Variants in AKT3 observed in about 807,000 individuals in gnomAD.
AKT3 encodes the protein RAC-gamma serine/threonine-protein kinase.
AKT3 carries 15 observed loss-of-function variants against 65.3 expected under a neutral mutation model. The ratio of observed to expected loss-of-function variants is 0.23; its 90% CI spans 0.15 to 0.35. AKT3 has a LOEUF of 0.35. Among genes scored for constraint, AKT3 ranks in the 10% least tolerant of loss-of-function variants. AKT3 has a pLI of 1.00. For missense variants in AKT3, 243 were observed against 576.5 expected (o/e 0.42, Z 5.92); for synonymous variants, 206 against 183.8 (o/e 1.12, Z -0.98).
rs987878432 is a variant in AKT3 at position 243,500,093 on chromosome 1, T to TTGAG, written c.*5152_*5155dup. The TTGAG allele has an allele frequency of 2.4e-6, 1 of 408,530 alleles. No individual in the cohort carries two copies. 25.3% of individuals were successfully genotyped at this position (408,530 alleles called of 1,614,324 possible). On this transcript the variant is annotated 3_prime_UTR_variant, in exon 14 of 14. Transcript: ENST00000673466. ...TTCAATAAATGAACTTTTTAAAGAC[T>TTGAG]TGAGTTGTAATGTTTCCTTTTTATC...
chr1:243,542,067 T>C (rs1381590784), intron 12 of AKT3, among the ~76,000 whole-genome samples: 1 of 152,204 alleles, frequency 6.6e-6, no homozygotes, highest in Non-Finnish European at 1.5e-5. Flanking sequence ...TAAATTGCAT[T>C]CATGGATCTG....
intron 2 of AKT3, among the ~76,000 whole-genome samples, chr1:243,763,150 G>T (rs747383980): frequency 6.6e-6 from 1 of 151,778 alleles, no homozygotes; most frequent in Non-Finnish European, 1.5e-5. Flanking sequence ...ACTGAAATTC[G>T]CATACATTTT....
chr1:243,780,209 C>T (rs894788446), intron 2 of AKT3, among the ~76,000 whole-genome samples: 6 of 151,950 alleles, frequency 3.9e-5, no homozygotes, highest in Admixed American at 2.0e-4. Flanking sequence ...AGTTGGTAAA[C>T]ACTACTGTAA....
chr1:243,660,901 T>C (rs1313792899), intron 4 of AKT3, among the ~76,000 whole-genome samples: 1 of 152,206 alleles, frequency 6.6e-6, no homozygotes, highest in African/African-American at 2.4e-5. Context: ...ATCACAAGCA[T>C]TCTTATACAC....
At chr1:243,679,316 T>C (rs115036595) in intron 3 of AKT3, among the ~76,000 whole-genome samples, 8 of 152,292 alleles carry the variant, frequency 5.3e-5, no homozygotes, top group Non-Finnish European at 8.8e-5. Context: ...AAACTTTGCA[T>C]TGCTCAAGGG....
At chr1:243,827,299 T>C (rs1227473149) in intron 2 of AKT3, among the ~76,000 whole-genome samples, 1 of 152,126 alleles carries the variant, frequency 6.6e-6, no homozygotes, top group East Asian at 1.9e-4. Context: ...AAGACCTCAT[T>C]CTCCATTCCA....
At chr1:243,808,673 C>T (rs1322247417) in intron 2 of AKT3, among the ~76,000 whole-genome samples, 2 of 152,050 alleles carry the variant, frequency 1.3e-5, no homozygotes, top group Non-Finnish European at 2.9e-5. Flanking sequence ...TCAGGAAATA[C>T]AGAAAACGCC....
intron 2 of AKT3, among the ~76,000 whole-genome samples, chr1:243,745,956 T>C (rs1013870538): frequency 6.6e-6 from 1 of 152,200 alleles, no homozygotes. Context: ...CAAAACTCAA[T>C]GCATTCAGAA....
intron 12 of AKT3, among the ~76,000 whole-genome samples, chr1:243,532,061 T>C (rs1352814575): frequency 1.3e-5 from 2 of 152,210 alleles, no homozygotes; most frequent in Non-Finnish European, 2.9e-5. Flanking sequence ...CACCTATTAG[T>C]AGGGGTAGTT....
intron 3 of AKT3, among the ~76,000 whole-genome samples, chr1:243,674,585 C>A (rs1196977210): frequency 6.6e-6 from 1 of 152,132 alleles, no homozygotes; most frequent in Non-Finnish European, 1.5e-5. Flanking sequence ...TTTCACAGGA[C>A]AAATGAAGTA....
At chr1:243,645,778 A>G in intron 5 of AKT3, 115 bp downstream of exon 5, 1 of 1,043,702 alleles carries the variant, frequency 9.6e-7, no homozygotes, top group Non-Finnish European at 1.4e-6. Flanking sequence ...AAGACCCACC[A>G]ATATATTTAC....
Position 243,615,210 on chromosome 1 carries a change from A to G in AKT3, c.562-49T>C, listed in dbSNP as rs560054063. ...TTCAATATATGTTTTGAGCACTGATAATAATAATTTCACTATTTCTCTAAA... is the reference window on the plus strand; with the variant it reads ...TTCAATATATGTTTTGAGCACTGATGATAATAATTTCACTATTTCTCTAAA... On this transcript the variant is annotated intron_variant, in intron 6 of 13. Coordinates refer to ENST00000673466, the MANE Select transcript of AKT3 (RefSeq NM_005465.7). 145 of 1,362,418 alleles carry G rather than the reference A, an allele frequency of 1.1e-4. 2 individuals are homozygous for G. In the South Asian group the frequency reaches 1.7e-3, roughly 16 times the overall value. 84.4% of individuals were successfully genotyped at this position (1,362,418 alleles called of 1,614,324 possible). A position where few individuals can be genotyped will look rare whatever the true frequency, so the allele number is the denominator to read the frequency against.
intron 5 of AKT3, among the ~76,000 whole-genome samples, chr1:243,642,455 G>C (rs190168835): frequency 1.3e-5 from 2 of 152,086 alleles, no homozygotes; most frequent in African/African-American, 2.4e-5. Flanking sequence ...GACTACAGGC[G>C]CCCGCCACCA....
intron 8 of AKT3, among the ~76,000 whole-genome samples, chr1:243,601,805 A>G (rs1677024460): frequency 6.6e-6 from 1 of 152,144 alleles, no homozygotes; most frequent in Non-Finnish European, 1.5e-5. Flanking sequence ...AATGGAGAAC[A>G]CAAAAGCCTG....
At chr1:243,629,564 G>A (rs372946682) in intron 6 of AKT3, among the ~76,000 whole-genome samples, 13 of 152,138 alleles carry the variant, frequency 8.5e-5, no homozygotes, top group African/African-American at 2.6e-4. Context: ...AGGCCAAGGC[G>A]GGTGGATCAT....
At chr1:243,582,733 T>G (rs192925936) in intron 8 of AKT3, among the ~76,000 whole-genome samples, 1 of 152,240 alleles carries the variant, frequency 6.6e-6, no homozygotes, top group East Asian at 1.9e-4. Context: ...AATAACTTCA[T>G]GATAGGATCA....
At chr1:243,769,673 A>G (rs1690054811) in intron 2 of AKT3, among the ~76,000 whole-genome samples, 1 of 152,178 alleles carries the variant, frequency 6.6e-6, no homozygotes, top group Non-Finnish European at 1.5e-5. Context: ...AATTTTTAAT[A>G]TATTCTGGAT....
chr1:243,708,391 C>T (rs1685940138), intron 2 of AKT3, among the ~76,000 whole-genome samples: 1 of 151,886 alleles, frequency 6.6e-6, no homozygotes, highest in South Asian at 2.1e-4. Flanking sequence ...CTTACCTTGG[C>T]CCTCTGAGGG....
downstream of AKT3, among the ~76,000 whole-genome samples, chr1:243,498,851 C>G (rs967404840): frequency 3.9e-5 from 6 of 152,168 alleles, no homozygotes; most frequent in Non-Finnish European, 8.8e-5. Context: ...GAAAGAGGGA[C>G]CAGATTGGGC....
Sources: allele counts gnomAD v4.1 joint callset (sites outside exome capture counted in the v4.1 genomes callset), GRCh38; gene constraint gnomAD v4.1.1; transcripts MANE v1.5; gene names NCBI Gene and HGNC (gene_info 2026-07-23, HGNC 2026-07-21).